The following AGBL1 variants were observed in gnomAD, a reference collection of about 807,000 sequenced individuals.
AGBL1 encodes AGBL carboxypeptidase 1, also known as cytosolic carboxypeptidase 4.
AGBL1 carries 130 observed loss-of-function variants against 118.9 expected under a neutral mutation model. The observed-to-expected ratio is 1.09, with a 90% confidence interval of 0.95 to 1.26. The LOEUF is 1.26. Ranked by LOEUF, AGBL1 falls within the 50% of genes most tolerant of loss-of-function variation. AGBL1 has a pLI of 0.00. For missense variants in AGBL1, 1,584 were observed against 1,298.1 expected (o/e 1.22, Z -3.38); for synonymous variants, 555 against 478.9 (o/e 1.16, Z -2.08).
chr15:86,953,081 C>T (rs12148819), intron 23 of AGBL1, among the ~76,000 whole-genome samples: 50 of 152,048 alleles, frequency 3.3e-4, no homozygotes, highest in Non-Finnish European at 7.2e-4. Context: ...ATAGTTTTAT[C>T]GTTTGAAGTG....
intron 5 of AGBL1, among the ~76,000 whole-genome samples, chr15:86,222,373 C>T (rs1288465082): frequency 2.0e-5 from 3 of 152,122 alleles, no homozygotes; most frequent in African/African-American, 7.2e-5. Flanking sequence ...CTATTAATGG[C>T]TCTCTTATTC....
chr15:86,897,137 G>A (rs996384982), intron 22 of AGBL1, among the ~76,000 whole-genome samples: 1 of 152,130 alleles, frequency 6.6e-6, no homozygotes, highest in Non-Finnish European at 1.5e-5. Context: ...ATCAGTCTAT[G>A]TTTCTCACTT....
Position 86,909,650 on chromosome 15 carries a change from G to A in AGBL1, c.*2356G>A, listed in dbSNP as rs1476047048. On this transcript the variant is annotated 3_prime_UTR_variant, in exon 23 of 23. Transcript: ENST00000614907. ...GAAAGTGAAACCCAAACGCTATATA[G>A]CTCTTAACTCCTCCCATATTTAATC... 6.6e-6 allele frequency: 1 copy of A among 152,170 alleles called. No homozygotes were observed. Among genetic ancestry groups the A allele is most frequent in the Non-Finnish European group, 1.5e-5 (1 of 68,034 alleles). 9.4% of individuals were successfully genotyped at this position (152,170 alleles called of 1,614,324 possible). A position where few individuals can be genotyped will look rare whatever the true frequency, so the allele number is the denominator to read the frequency against.
intron 17 of AGBL1, among the ~76,000 whole-genome samples, chr15:86,340,247 A>G (rs941688935): frequency 6.6e-6 from 1 of 152,028 alleles, no homozygotes; most frequent in Non-Finnish European, 1.5e-5. Flanking sequence ...GATCTTATTT[A>G]AGCCTTCTGT....
intron 13 of AGBL1, 133 bp from the exon 14 acceptor site, chr15:86,269,786 A>C: frequency 1.9e-6 from 2 of 1,045,806 alleles, no homozygotes; most frequent in Non-Finnish European, 2.7e-6. Context: ...GATGATAAGT[A>C]TAACTTACCA....
At chr15:86,638,981 A>G (rs1406978258) in intron 21 of AGBL1, among the ~76,000 whole-genome samples, 2 of 152,064 alleles carry the variant, frequency 1.3e-5, no homozygotes, top group African/African-American at 4.8e-5. Context: ...GTTTCTTACT[A>G]TCTGTCGGCT....
intron 21 of AGBL1, among the ~76,000 whole-genome samples, chr15:86,674,016 T>C (rs1004995619): frequency 6.6e-6 from 1 of 152,110 alleles, no homozygotes; most frequent in East Asian, 1.9e-4. Flanking sequence ...TATCCCCCTT[T>C]CCCTTTATAA....
At chr15:86,456,486 G>A (rs1292853048) in intron 18 of AGBL1, among the ~76,000 whole-genome samples, 1 of 152,182 alleles carries the variant, frequency 6.6e-6, no homozygotes, top group African/African-American at 2.4e-5. Context: ...AGATGATGAT[G>A]CCTTTGAGAG....
intron 23 of AGBL1, among the ~76,000 whole-genome samples, chr15:86,953,312 C>G (rs1183601543): frequency 6.6e-6 from 1 of 151,386 alleles, no homozygotes; most frequent in Non-Finnish European, 1.5e-5. Flanking sequence ...TATATTTTTT[C>G]CTTTTATTTG....
chr15:86,582,682 T>C (rs2142334489), intron 21 of AGBL1, among the ~76,000 whole-genome samples: 1 of 152,080 alleles, frequency 6.6e-6, no homozygotes, highest in Admixed American at 6.5e-5. Flanking sequence ...TATGCAGCCA[T>C]GAAAAAGGAT....
At chr15:87,009,081 A>T (rs755936156) in intron 24 of AGBL1, among the ~76,000 whole-genome samples, 1 of 152,220 alleles carries the variant, frequency 6.6e-6, no homozygotes, top group Non-Finnish European at 1.5e-5. Context: ...CTGAATATTA[A>T]TCACCAAGAC....
chr15:86,625,395 T>TTTTG, intron 21 of AGBL1, among the ~76,000 whole-genome samples: 1 of 112,652 alleles, frequency 8.9e-6, no homozygotes, highest in Non-Finnish European at 1.8e-5. Flanking sequence ...GTTTTTTTTT[T>TTTTG]TTTTTACAAA....
rs1401215848 is a variant in AGBL1 at position 86,116,057 on chromosome 15, T to C, written c.52-25947T>C. On this transcript the variant is annotated intron_variant, in intron 1 of 22. Coordinates refer to ENST00000614907, the MANE Select transcript of AGBL1 (RefSeq NM_001386094.1). ...AAATAATTGAGAACAATAATAAAAT[T>C]GACTGTATCACTAAAATAGGCAGGG... Among the ~76,000 whole-genome samples, 3 of 152,168 alleles carry C rather than the reference T, an allele frequency of 2.0e-5. No individual in the cohort carries two copies. In the East Asian group the frequency reaches 5.8e-4, roughly 29 times the overall value.
At chr15:86,328,434 C>T (rs1567201314) in intron 17 of AGBL1, among the ~76,000 whole-genome samples, 1 of 152,028 alleles carries the variant, frequency 6.6e-6, no homozygotes, top group African/African-American at 2.4e-5. Flanking sequence ...AAAAAAAATA[C>T]AATTTATAAA....
At chr15:86,384,001 TA>T (rs2081147975) in intron 17 of AGBL1, among the ~76,000 whole-genome samples, 1 of 152,210 alleles carries the variant, frequency 6.6e-6, no homozygotes, top group South Asian at 2.1e-4. Context: ...TAGTGAAATG[TA>T]ATAAAGTATA....
chr15:86,345,127 C>T (rs1003561143), intron 17 of AGBL1, among the ~76,000 whole-genome samples: 2 of 152,102 alleles, frequency 1.3e-5, no homozygotes, highest in African/African-American at 4.8e-5. Flanking sequence ...TTTACACTGC[C>T]TCTACTGGTC....
intron 16 of AGBL1, among the ~76,000 whole-genome samples, chr15:86,289,466 C>A (rs1486677192): frequency 6.6e-6 from 1 of 152,146 alleles, no homozygotes; most frequent in Non-Finnish European, 1.5e-5. Flanking sequence ...ATGCTCTTCA[C>A]ATACATTATA....
At chr15:86,570,640 C>A (rs1028578687) in intron 21 of AGBL1, among the ~76,000 whole-genome samples, 1 of 152,162 alleles carries the variant, frequency 6.6e-6, no homozygotes, top group Non-Finnish European at 1.5e-5. Context: ...AAATCCAGCA[C>A]CATGTTGGAT....
At chr15:86,250,504 C>A (rs1457302482) in intron 7 of AGBL1, among the ~76,000 whole-genome samples, 2 of 108,048 alleles carry the variant, frequency 1.9e-5, no homozygotes, top group Non-Finnish European at 3.5e-5. Context: ...CCAGTCTGGG[C>A]AACAGAGTAA....
Sources: gnomAD v4.1 joint callset for allele counts (sites outside exome capture counted in the v4.1 genomes callset) on GRCh38, gnomAD v4.1.1 for gene constraint, MANE v1.5 for transcripts, NCBI Gene and HGNC (gene_info 2026-07-23, HGNC 2026-07-21) for gene names.